WDR45B: variants seen among roughly 807,000 people sequenced by gnomAD.
WDR45B encodes WD repeat domain 45B, also known as WD repeat domain phosphoinositide-interacting protein 3.
WDR45B carries 20 observed loss-of-function variants against 44.6 expected under a neutral mutation model. That is an observed-to-expected ratio of 0.45 (90% confidence interval 0.32 to 0.65). The LOEUF is 0.65. Ranked by LOEUF, WDR45B falls within the 30% of genes least tolerant of loss-of-function variation. The pLI, the probability that WDR45B is intolerant of heterozygous loss-of-function variation, is 0.05. For synonymous variants in WDR45B, 169 were observed against 164.9 expected (o/e 1.02, Z -0.19); for missense variants, 323 against 430.2 (o/e 0.75, Z 2.20).
chr17:82,627,746 C>T (rs905835794), intron 3 of WDR45B, among the ~76,000 whole-genome samples: 2 of 152,282 alleles, frequency 1.3e-5, no homozygotes, highest in African/African-American at 4.8e-5. Context: ...CACACAGGCG[C>T]GCTGAGCGCG....
intron 6 of WDR45B, among the ~76,000 whole-genome samples, chr17:82,621,350 G>A (rs1257489105): frequency 6.6e-6 from 1 of 152,132 alleles, no homozygotes; most frequent in Non-Finnish European, 1.5e-5. Flanking sequence ...ACTGCCCCTG[G>A]CCCTGTTTCT....
chr17:82,616,488 C>A (rs2306757), intron 9 of WDR45B, 36 bp downstream of exon 9: 155,904 of 1,612,076 alleles, frequency 0.097, 9,789 homozygotes, highest in East Asian at 0.26. Context: ...CCAGGTGGGG[C>A]GGGTGGGGAC....
intron 8 of WDR45B, among the ~76,000 whole-genome samples, chr17:82,616,956 T>C (rs2045545157): frequency 6.6e-6 from 1 of 152,140 alleles, no homozygotes; most frequent in Admixed American, 6.6e-5. Context: ...TAGCTGGGAC[T>C]ACAGGCACCC....
intron 2 of WDR45B, among the ~76,000 whole-genome samples, chr17:82,632,815 C>T (rs569029618): frequency 3.2e-4 from 49 of 152,164 alleles, no homozygotes; most frequent in Non-Finnish European, 5.3e-4. Context: ...ACTGCTTGAG[C>T]CCAAGAGTTC....
intron 1 of WDR45B, among the ~76,000 whole-genome samples, chr17:82,645,542 C>G (rs2143391470): frequency 6.6e-6 from 1 of 152,012 alleles, no homozygotes; most frequent in South Asian, 2.1e-4. Flanking sequence ...GGGTGTAGAG[C>G]CATGGGAACT....
intron 7 of WDR45B, 30 bp downstream of exon 7, chr17:82,619,010 GTTC>G (rs2045577346): frequency 6.2e-7 from 1 of 1,607,962 alleles, no homozygotes; most frequent in Non-Finnish European, 8.5e-7. Context: ...TCAGCCCGAA[GTTC>G]TTCTCCGGTG....
chr17:82,640,185 C>T (rs1468393888), intron 2 of WDR45B, among the ~76,000 whole-genome samples: 1 of 152,084 alleles, frequency 6.6e-6, no homozygotes, highest in African/African-American at 2.4e-5. Flanking sequence ...TCAGAGCCCA[C>T]AGTCTCCTTA....
intron 5 of WDR45B, 102 bp from the exon 6 acceptor site, chr17:82,621,901 C>A: frequency 1.6e-6 from 2 of 1,222,858 alleles, no homozygotes; most frequent in Non-Finnish European, 2.4e-6. Context: ...AGATGTATAT[C>A]ATTTATAAAT....
intron 6 of WDR45B, 148 bp from the exon 7 acceptor site, chr17:82,619,276 C>A: frequency 1.3e-6 from 1 of 783,324 alleles, no homozygotes; most frequent in Non-Finnish European, 2.2e-6. Context: ...TCTCCTCCAA[C>A]TGCCAGCACA....
intron 2 of WDR45B, among the ~76,000 whole-genome samples, chr17:82,637,215 C>T (rs2045843942): frequency 6.6e-6 from 1 of 151,984 alleles, no homozygotes; most frequent in African/African-American, 2.4e-5. Flanking sequence ...TCAGCGTCTA[C>T]ATCTCTAAGG....
chr17:82,616,415 G>A, intron 9 of WDR45B, 109 bp downstream of exon 9: 7 of 1,568,218 alleles, frequency 4.5e-6, no homozygotes, highest in South Asian at 1.1e-5. Context: ...GGCGGCCATC[G>A]GTGCCACAGC....
intron 1 of WDR45B, chr17:82,644,438 G>A: frequency 4.2e-6 from 1 of 238,322 alleles, no homozygotes; most frequent in Non-Finnish European, 8.4e-6. Context: ...TAGACTCCAG[G>A]AACCGGGAAG....
At chr17:82,646,891 T>C (rs2143397473) in intron 1 of WDR45B, among the ~76,000 whole-genome samples, 1 of 152,216 alleles carries the variant, frequency 6.6e-6, no homozygotes, top group African/African-American at 2.4e-5. Context: ...GCCTGACTGG[T>C]CCCAGGGCAT....
intron 1 of WDR45B, 30 bp from the exon 2 acceptor site, chr17:82,644,053 T>C (rs376341164): frequency 6.2e-7 from 1 of 1,610,516 alleles, no homozygotes; most frequent in African/African-American, 1.3e-5. Context: ...GAGACATTAA[T>C]CCCCAGGCCT....
chr17:82,632,088 TAAATAAAAACAA>T (rs1159773066), intron 2 of WDR45B, among the ~76,000 whole-genome samples: 2 of 151,548 alleles, frequency 1.3e-5, no homozygotes, highest in South Asian at 2.1e-4. Flanking sequence ...TCAAGATAAA[TAAATAAAAACAA>T]AAATAAAAAC....
chr17:82,629,088 A>G (rs2045735911), intron 3 of WDR45B, among the ~76,000 whole-genome samples: 1 of 152,238 alleles, frequency 6.6e-6, no homozygotes, highest in African/African-American at 2.4e-5. Flanking sequence ...AACCTGCTGA[A>G]TACTGCTTTC....
rs1336240551 is a variant in WDR45B at position 82,615,982 on chromosome 17, G to C, written c.972C>G (p.Pro324=). 2 of 1,613,908 alleles carry C rather than the reference G, an allele frequency of 1.2e-6. No homozygotes were observed. Among genetic ancestry groups the C allele is most frequent in the African/African-American group, 2.7e-5 (2 of 74,954 alleles). ...AGACATCTCGGATGCACTCCCCCTTGGGGTTGAACAGGAATTTGTAGTAGC... is the reference window on the plus strand; with the variant it reads ...AGACATCTCGGATGCACTCCCCCTTCGGGTTGAACAGGAATTTGTAGTAGC... ...DGSYYKFLFN[P]KGECIRDVYA... The change falls in exon 10 of 10, where the codon CCC becomes CCG. Residue 324 remains proline, a synonymous_variant. Coordinates refer to ENST00000392325, the MANE Select transcript of WDR45B (RefSeq NM_019613.4).
chr17:82,636,028 G>A (rs1044212139), intron 2 of WDR45B, among the ~76,000 whole-genome samples: 13 of 151,556 alleles, frequency 8.6e-5, no homozygotes, highest in African/African-American at 2.7e-4. Flanking sequence ...CAGAGGGTGC[G>A]GTGAGCCGAG....
intron 8 of WDR45B, among the ~76,000 whole-genome samples, chr17:82,617,068 C>T (rs542166381): frequency 1.6e-4 from 24 of 152,308 alleles, no homozygotes; most frequent in African/African-American, 5.5e-4. Flanking sequence ...CTGCCCACCT[C>T]GGCCTCCCAA....
Sources: allele counts gnomAD v4.1 joint callset (sites outside exome capture counted in the v4.1 genomes callset), GRCh38; gene constraint gnomAD v4.1.1; transcripts MANE v1.5; gene names NCBI Gene and HGNC (gene_info 2026-07-23, HGNC 2026-07-21).